PTPN14: variants seen among roughly 807,000 people sequenced by gnomAD.
PTPN14 encodes tyrosine-protein phosphatase non-receptor type 14.
PTPN14 carries 53 observed loss-of-function variants against 126.8 expected under a neutral mutation model. The ratio of observed to expected loss-of-function variants is 0.42; its 90% confidence interval spans 0.34 to 0.53. PTPN14 has a LOEUF of 0.53. Ranked by LOEUF, PTPN14 falls within the 20% of genes least tolerant of loss-of-function variation. The pLI, the probability that PTPN14 is intolerant of heterozygous loss-of-function variation, is 0.08. For missense variants in PTPN14, 1,257 were observed against 1,552.9 expected (o/e 0.81, Z 3.20); for synonymous variants, 630 against 599.3 (o/e 1.05, Z -0.75).
chr1:214,508,551 A>G (rs1654896489), intron 1 of PTPN14, among the ~76,000 whole-genome samples: 1 of 152,010 alleles, frequency 6.6e-6, no homozygotes, highest in Non-Finnish European at 1.5e-5. Flanking sequence ...TAAAGTTTGA[A>G]CCCCTCAAAA....
At chr1:214,541,143 A>C (rs1655825230) in intron 1 of PTPN14, among the ~76,000 whole-genome samples, 1 of 152,180 alleles carries the variant, frequency 6.6e-6, no homozygotes, top group Non-Finnish European at 1.5e-5. Flanking sequence ...TAGGGATATT[A>C]TTATCCCTAA....
intron 1 of PTPN14, among the ~76,000 whole-genome samples, chr1:214,492,145 T>C (rs1571619582): frequency 6.6e-6 from 1 of 151,802 alleles, no homozygotes; most frequent in South Asian, 2.1e-4. Flanking sequence ...TGAAGACACA[T>C]TTACTAAAGG....
intron 8 of PTPN14, among the ~76,000 whole-genome samples, chr1:214,396,171 G>T (rs944677040): frequency 6.6e-6 from 1 of 152,156 alleles, no homozygotes; most frequent in African/African-American, 2.4e-5. Context: ...TATAGAGTCC[G>T]ATTCTTACAC....
At chr1:214,371,416 G>A (rs897286633) in intron 16 of PTPN14, among the ~76,000 whole-genome samples, 6 of 152,166 alleles carry the variant, frequency 3.9e-5, no homozygotes, top group African/African-American at 7.2e-5. Flanking sequence ...TGACAGTTTT[G>A]CAGCTGAAAC....
chr1:214,359,287 C>G (rs1657897700), intron 18 of PTPN14, among the ~76,000 whole-genome samples: 1 of 150,318 alleles, frequency 6.7e-6, no homozygotes, highest in Non-Finnish European at 1.5e-5. Flanking sequence ...AATCTCTGCT[C>G]ACTATAACCT....
chr1:214,452,215 T>A (rs1660287681), intron 2 of PTPN14, among the ~76,000 whole-genome samples: 1 of 152,236 alleles, frequency 6.6e-6, no homozygotes, highest in African/African-American at 2.4e-5. Context: ...TGCTTGCAGA[T>A]ACCAAAGCGC....
intron 7 of PTPN14, among the ~76,000 whole-genome samples, chr1:214,401,331 T>C (rs184242405): frequency 1.3e-5 from 2 of 152,310 alleles, no homozygotes; most frequent in African/African-American, 2.4e-5. Context: ...AAAAAGAGAA[T>C]AAGAAAACTA....
At chr1:214,441,004 T>C (rs1431039164) in intron 3 of PTPN14, among the ~76,000 whole-genome samples, 2 of 152,226 alleles carry the variant, frequency 1.3e-5, no homozygotes, top group African/African-American at 4.8e-5. Flanking sequence ...ATTTCTTTGT[T>C]GACTTTTTAT....
chr1:214,500,139 T>G (rs1433325374), intron 1 of PTPN14, among the ~76,000 whole-genome samples: 1 of 151,996 alleles, frequency 6.6e-6, no homozygotes, highest in Non-Finnish European at 1.5e-5. Context: ...AATGTATCAA[T>G]AAGGATATGA....
chr1:214,455,822 T>C (rs886868684), intron 2 of PTPN14, among the ~76,000 whole-genome samples: 4 of 152,196 alleles, frequency 2.6e-5, no homozygotes, highest in East Asian at 3.8e-4. Flanking sequence ...GTGTGGATAC[T>C]ACAGCGTCAA....
chr1:214,394,112 C>T (rs1658821729), intron 9 of PTPN14, among the ~76,000 whole-genome samples: 1 of 152,172 alleles, frequency 6.6e-6, no homozygotes, highest in African/African-American at 2.4e-5. Context: ...GAATAAACAC[C>T]AGACTTCTTA....
rs370345727 is a variant in PTPN14, at chr1:214,454,109, A to G, written c.175-2135T>C. Among the ~76,000 whole-genome samples, 5 of 152,350 alleles carry G rather than the reference A, an allele frequency of 3.3e-5. No homozygotes were observed. In the East Asian group the frequency reaches 7.7e-4, roughly 23 times the overall value. On this transcript the variant is annotated intron_variant, in intron 2 of 18. Transcript: ENST00000366956. The stretch of plus-strand genomic sequence containing the variant: ...TGGATGCCTAGGAGTGAGTCTCCAT[A>G]TAATAAATTATGTAATATATGTAAT...
chr1:214,547,420 T>C (rs144986390), intron 1 of PTPN14, among the ~76,000 whole-genome samples: 1 of 152,228 alleles, frequency 6.6e-6, no homozygotes, highest in Non-Finnish European at 1.5e-5. Context: ...GTTCTAACAT[T>C]GTTCATTCCT....
chr1:214,471,036 AAAAC>A (rs1660746472), intron 1 of PTPN14, among the ~76,000 whole-genome samples: 1 of 147,868 alleles, frequency 6.8e-6, no homozygotes, highest in South Asian at 2.2e-4. Flanking sequence ...AAAAAAAAAA[AAAAC>A]AAAACAAAAA....
intron 1 of PTPN14, among the ~76,000 whole-genome samples, chr1:214,538,184 G>A (rs981733711): frequency 6.6e-6 from 1 of 152,234 alleles, no homozygotes; most frequent in South Asian, 2.1e-4. Context: ...AAACAAGCTG[G>A]TGGATAGACA....
chr1:214,414,139 T>TA (rs1571984758), intron 4 of PTPN14, among the ~76,000 whole-genome samples: 1 of 152,220 alleles, frequency 6.6e-6, no homozygotes, highest in African/African-American at 2.4e-5. Context: ...GATTGAAAGA[T>TA]AAATTCAGTC....
chr1:214,392,091 G>C lies in PTPN14; in HGVS notation c.930-1046C>G, dbSNP rs569940403. ...CTGTGCATGCATGGAGAAGGATGCT[G>C]TTAAGATTATGCCAGTTCACAGAAC... On this transcript the variant is annotated intron_variant, in intron 10 of 18. Coordinates refer to ENST00000366956, the MANE Select transcript of PTPN14 (RefSeq NM_005401.5). 4.6e-5 allele frequency among the ~76,000 whole-genome samples: 7 copies of C among 152,286 alleles called. No homozygotes were observed. In the South Asian group the frequency reaches 1.5e-3, roughly 32 times the overall value.
intron 1 of PTPN14, among the ~76,000 whole-genome samples, chr1:214,495,589 A>G (rs1209698093): frequency 6.6e-6 from 1 of 152,246 alleles, no homozygotes; most frequent in Non-Finnish European, 1.5e-5. Context: ...TACTTAGACA[A>G]GACTGACATT....
intron 3 of PTPN14, among the ~76,000 whole-genome samples, chr1:214,424,052 C>T (rs1357521794): frequency 2.0e-5 from 3 of 151,664 alleles, no homozygotes; most frequent in African/African-American, 7.3e-5. Flanking sequence ...AATCCCAGCA[C>T]TTTGGGAGCC....
Sources: allele counts gnomAD v4.1 joint callset (sites outside exome capture counted in the v4.1 genomes callset), GRCh38; gene constraint gnomAD v4.1.1; transcripts MANE v1.5; gene names NCBI Gene and HGNC (gene_info 2026-07-23, HGNC 2026-07-21).